ERG: variants seen among roughly 807,000 people sequenced by gnomAD.
The protein encoded by ERG is ETS transcription factor ERG.
Under a neutral mutation model 55.3 loss-of-function variants are expected in ERG, and 9 were observed. The observed-to-expected ratio is 0.16, with a 90% confidence interval of 0.10 to 0.28. The LOEUF (loss-of-function observed/expected upper bound fraction) is 0.28, where lower values mean the gene tolerates loss of function less well. ERG is among the 10% of genes least tolerant of loss of function. The pLI, the probability that ERG is intolerant of heterozygous loss-of-function variation, is 1.00. For missense variants in ERG, 434 were observed against 631.6 expected (o/e 0.69, Z 3.35); for synonymous variants, 223 against 237.3 (o/e 0.94, Z 0.55).
chr21:38,589,351 T>C (rs1028773927), upstream of ERG, among the ~76,000 whole-genome samples: 2 of 152,190 alleles, frequency 1.3e-5, no homozygotes, highest in East Asian at 1.9e-4. Context: ...GCTTTTTCCA[T>C]GTATAGCCAC....
intron 1 of ERG, among the ~76,000 whole-genome samples, chr21:38,476,364 G>A (rs576913860): frequency 8.5e-5 from 13 of 152,278 alleles, no homozygotes; most frequent in Middle Eastern, 3.4e-3. Context: ...TTGTCTCCAC[G>A]TTTAGGTTTA....
chr21:38,526,257 T>C (rs1164841448), intron 2 of ERG, among the ~76,000 whole-genome samples: 2 of 152,172 alleles, frequency 1.3e-5, no homozygotes, highest in Non-Finnish European at 2.9e-5. Flanking sequence ...TCAAATCCAG[T>C]AGGGATTAGG....
chr21:38,521,026 G>T (rs555456466), intron 2 of ERG, among the ~76,000 whole-genome samples: 1 of 152,234 alleles, frequency 6.6e-6, no homozygotes, highest in East Asian at 1.9e-4. Context: ...GTGGGGAGAA[G>T]TGAGATAACA....
At position 38,382,237 on chromosome 21, in the gene ERG, G is replaced by A. The variant is rs1987473897; in HGVS notation, c.*1166C>T. On this transcript the variant is annotated 3_prime_UTR_variant, in exon 10 of 10. Transcript: ENST00000288319. Reference sequence around the variant, plus strand: ...GTTATATAATTATTATATAAAAAGGGGGAAAAACATTGACTTGTATACTTC... The same window carrying A: ...GTTATATAATTATTATATAAAAAGGAGGAAAAACATTGACTTGTATACTTC... The A allele has an allele frequency of 9.5e-7, 1 of 1,049,088 alleles. No individual in the cohort carries two copies. Among genetic ancestry groups the A allele is most frequent in the African/African-American group, 1.7e-5 (1 of 60,108 alleles). The allele number at this position is 1,049,088 out of a possible 1,614,324, so 65.0% of individuals were successfully genotyped here.
chr21:38,480,201 G>C (rs981054533), intron 1 of ERG, among the ~76,000 whole-genome samples: 4 of 152,152 alleles, frequency 2.6e-5, no homozygotes, highest in African/African-American at 9.7e-5. Flanking sequence ...TACTTAGCAT[G>C]GTGAACAATT....
intron 3 of ERG, among the ~76,000 whole-genome samples, chr21:38,417,882 G>A (rs1317930551): frequency 6.6e-6 from 1 of 152,152 alleles, no homozygotes; most frequent in Admixed American, 6.5e-5. Context: ...AGGTCCTATT[G>A]CATTTTGGTC....
intron 1 of ERG, among the ~76,000 whole-genome samples, chr21:38,457,167 T>G (rs1000090598): frequency 6.6e-6 from 1 of 152,126 alleles, no homozygotes; most frequent in Non-Finnish European, 1.5e-5. Context: ...CTGGGCGGGG[T>G]GGCTCACACC....
At chr21:38,377,928 T>C (rs1273096589), downstream of ERG, among the ~76,000 whole-genome samples, 5 of 152,182 alleles carry the variant, frequency 3.3e-5, no homozygotes, top group African/African-American at 1.2e-4. Flanking sequence ...TGAGAAAACA[T>C]GAAAGCAAAG....
rs563826411 is a variant in ERG at position 38,575,393 on chromosome 21, C to T, written c.-41+269G>A. Among the ~76,000 whole-genome samples, 3 of 152,236 alleles carry T rather than the reference C, an allele frequency of 2.0e-5. No individual in the cohort carries two copies. In the South Asian group the frequency reaches 6.2e-4, roughly 32 times the overall value. ...CAACTGTGCCATTATGGAGTGAAGG[C>T]AGCCACAGATGATATAGAAATGAAT... On this transcript the variant is annotated intron_variant, in intron 2 of 8. Transcript: ENST00000398897.
intron 2 of ERG, among the ~76,000 whole-genome samples, chr21:38,442,546 G>T (rs2058851501): frequency 1.3e-5 from 2 of 152,330 alleles, no homozygotes; most frequent in South Asian, 4.1e-4. Context: ...AGGGCCCTGG[G>T]GCGGAACTGC....
At chr21:38,455,528 C>A (rs1280319185) in intron 1 of ERG, among the ~76,000 whole-genome samples, 7 of 152,162 alleles carry the variant, frequency 4.6e-5, no homozygotes, top group Admixed American at 3.9e-4. Context: ...CAGTTTTATG[C>A]TTGGCCCTTT....
intron 1 of ERG, among the ~76,000 whole-genome samples, chr21:38,489,820 G>A (rs1477296688): frequency 6.6e-6 from 1 of 152,262 alleles, no homozygotes; most frequent in African/African-American, 2.4e-5. Flanking sequence ...AGGAGAGGCA[G>A]CTTGGAATGA....
chr21:38,427,530 G>A (rs1271017933), intron 2 of ERG, among the ~76,000 whole-genome samples: 1 of 152,192 alleles, frequency 6.6e-6, no homozygotes, highest in Non-Finnish European at 1.5e-5. Flanking sequence ...AACACAAGGG[G>A]CTGGCTCCAG....
intron 2 of ERG, among the ~76,000 whole-genome samples, chr21:38,529,256 G>A (rs930993697): frequency 2.0e-5 from 3 of 152,196 alleles, no homozygotes; most frequent in African/African-American, 7.2e-5. Flanking sequence ...GTGGAGAACA[G>A]TCTATAGGAA....
At chr21:38,623,591 G>A (rs781482753) in intron 1 of ERG, among the ~76,000 whole-genome samples, 3 of 152,152 alleles carry the variant, frequency 2.0e-5, no homozygotes, top group South Asian at 4.1e-4. Context: ...CAGTCACACC[G>A]TACATCAGAG....
intron 1 of ERG, among the ~76,000 whole-genome samples, chr21:38,465,712 C>T (rs1050879669): frequency 3.9e-5 from 6 of 152,258 alleles, no homozygotes; most frequent in East Asian, 3.9e-4. Context: ...ACTAAAATTG[C>T]TCTGAGAAAT....
At chr21:38,396,887 AC>A (rs1988247614) in intron 6 of ERG, among the ~76,000 whole-genome samples, 2 of 152,140 alleles carry the variant, frequency 1.3e-5, no homozygotes, top group South Asian at 4.1e-4. Context: ...CGTGAGAAAC[AC>A]GTGAAACATC....
intron 1 of ERG, among the ~76,000 whole-genome samples, chr21:38,469,266 T>C (rs906675431): frequency 3.3e-5 from 5 of 152,186 alleles, no homozygotes; most frequent in African/African-American, 9.7e-5. Context: ...TTAACGCACT[T>C]AGCAAACACT....
chr21:38,585,183 G>A (rs910376886), upstream of ERG, among the ~76,000 whole-genome samples: 4 of 152,132 alleles, frequency 2.6e-5, no homozygotes, highest in African/African-American at 4.8e-5. Flanking sequence ...AGCCTAACTG[G>A]CATGCTGAAG....
Sources: allele counts gnomAD v4.1 joint callset (sites outside exome capture counted in the v4.1 genomes callset), GRCh38; gene constraint gnomAD v4.1.1; transcripts MANE v1.5; gene names NCBI Gene and HGNC (gene_info 2026-07-23, HGNC 2026-07-21).